The following WDR64 variants were observed in gnomAD, a reference collection of about 807,000 sequenced individuals.
The protein encoded by WDR64 is WD repeat domain 64, also known as WD repeat-containing protein 64.
Under a neutral mutation model 139.3 loss-of-function variants are expected in WDR64, and 112 were observed. The ratio of observed to expected loss-of-function variants is 0.80; its 90% CI spans 0.69 to 0.94. WDR64 has a LOEUF of 0.94. Among genes scored for constraint, WDR64 ranks in the 40% least tolerant of loss-of-function variants. WDR64 has a pLI of 0.00. For synonymous variants in WDR64, 444 were observed against 437.7 expected, an observed-to-expected ratio of 1.01 and a Z score of -0.18; for missense variants, 1,206 against 1,293.1, an observed-to-expected ratio of 0.93 and a Z score of 1.03.
At chr1:241,705,093 A>G (rs1250038475) in intron 8 of WDR64, among the ~76,000 whole-genome samples, 1 of 152,200 alleles carries the variant, frequency 6.6e-6, no homozygotes, top group Non-Finnish European at 1.5e-5. Context: ...CTACTCCAGA[A>G]GAGCCTAAAG....
At chr1:241,726,221 A>G (rs1668833410) in intron 10 of WDR64, among the ~76,000 whole-genome samples, 1 of 152,018 alleles carries the variant, frequency 6.6e-6, no homozygotes, top group South Asian at 2.1e-4. Flanking sequence ...TATTGAGGTG[A>G]TAATAATTTG....
chr1:241,797,660 C>T (rs1659405998), intron 27 of WDR64, among the ~76,000 whole-genome samples: 1 of 152,058 alleles, frequency 6.6e-6, no homozygotes, highest in South Asian at 2.1e-4. Flanking sequence ...ATCATCAACT[C>T]TGACAATTAT....
At chr1:241,749,344 T>A (rs571916822) in intron 13 of WDR64, among the ~76,000 whole-genome samples, 18 of 152,280 alleles carry the variant, frequency 1.2e-4, no homozygotes, top group Non-Finnish European at 2.4e-4. Flanking sequence ...TTATTTATTT[T>A]TTTCAGCCTG....
At position 241,652,476 on chromosome 1, in the gene WDR64, TA is replaced by T. The variant is rs760472024; in HGVS notation, c.-8del. On this transcript the variant is annotated 5_prime_UTR_variant, in exon 1 of 28. It removes an upstream start codon present in the reference 5' UTR. Transcript: ENST00000437684. ...TTCTGTACAGAAGTAAAAGATCCCCTATGTCCCTATGGATATCAGGAAGGAA... is the reference window on the plus strand; with the variant it reads ...TTCTGTACAGAAGTAAAAGATCCCCTTGTCCCTATGGATATCAGGAAGGAA... 8 of 1,551,692 alleles carry T rather than the reference TA, an allele frequency of 5.2e-6. No individual in the cohort carries two copies. The highest frequency in any genetic ancestry group is 2.4e-5 in the South Asian group (2 of 83,920).
chr1:241,789,287 G>A (rs900716296), intron 24 of WDR64, among the ~76,000 whole-genome samples: 1 of 152,152 alleles, frequency 6.6e-6, no homozygotes. Context: ...GCCTTCTTCT[G>A]TAGAATGACT....
chr1:241,797,652 C>T (rs1227385436), intron 27 of WDR64, among the ~76,000 whole-genome samples: 1 of 152,110 alleles, frequency 6.6e-6, no homozygotes, highest in East Asian at 1.9e-4. Context: ...TTCTGTTCAT[C>T]ATCAACTCTG....
intron 10 of WDR64, among the ~76,000 whole-genome samples, chr1:241,728,823 CTTT>C (rs66478639): frequency 1.3e-5 from 2 of 148,630 alleles, no homozygotes; most frequent in Admixed American, 6.7e-5. Context: ...TTCTCTTCTT[CTTT>C]TTTTTTTTCT....
Position 241,757,151 on chromosome 1 carries a change from T to C in WDR64, c.1771-132T>C, listed in dbSNP as rs112118189. Reference sequence around the variant, plus strand: ...AGGAATTATATTAATAAGCAAGGAATAGATGGGGCTGAAGATTTGGTAAAG... The same window carrying C: ...AGGAATTATATTAATAAGCAAGGAACAGATGGGGCTGAAGATTTGGTAAAG... On this transcript the variant is annotated intron_variant, in intron 14 of 27. Transcript: ENST00000437684. 3.9e-3 allele frequency: 2,902 copies of C among 739,628 alleles called. 56 individuals carry two copies. The African/African-American group carries it at 0.046, about 12-fold the overall frequency. The allele number at this position is 739,628 out of a possible 1,614,324, so 45.8% of individuals were successfully genotyped here.
In WDR64 at chr1:241,788,895, C is replaced by A. The variant is rs113991559; in HGVS notation, c.2891+861C>A. ...TCAAGATGCAGTAAAGTTTACCAAG[C>A]AAAGTTTCTCAGTTTTACTTTGGGC... On this transcript the variant is annotated intron_variant, in intron 24 of 27. Coordinates refer to ENST00000437684, the MANE Select transcript of WDR64 (RefSeq NM_001367482.1). Among the ~76,000 whole-genome samples the A allele has an allele frequency of 5.4e-3, 829 of 152,220 alleles. 5 individuals carry two copies. The highest frequency in any genetic ancestry group is 0.031 in the South Asian group (149 of 4,820).
chr1:241,764,122 A>C (rs1574079010), intron 15 of WDR64, among the ~76,000 whole-genome samples: 1 of 152,152 alleles, frequency 6.6e-6, no homozygotes, highest in East Asian at 1.9e-4. Context: ...TAATACTGGG[A>C]GTAGTTAAAA....
In WDR64 at chr1:241,775,065, T is replaced by C. The variant is rs1389981784; in HGVS notation, c.2431-40T>C. On this transcript the variant is annotated intron_variant, in intron 20 of 27. Transcript: ENST00000437684. ...AATATTAAGATTTTATAAGACTTAC[T>C]AGCAAAGAAAAAGTTTTATTTGCAT... 4.1e-6 allele frequency: 6 copies of C among 1,463,208 alleles called. No individual in the cohort carries two copies. In the South Asian group the frequency reaches 7.6e-5, roughly 18 times the overall value. 90.6% of individuals were successfully genotyped at this position (1,463,208 alleles called of 1,614,324 possible).
chr1:241,689,271 A>T (rs1272008397), intron 8 of WDR64, among the ~76,000 whole-genome samples: 1 of 150,512 alleles, frequency 6.6e-6, no homozygotes, highest in East Asian at 1.9e-4. Flanking sequence ...ATTACAAGGC[A>T]TACTAAAAGG....
rs868005867 is a variant in WDR64 at position 241,760,821 on chromosome 1, A to C, written c.1947+3362A>C. On this transcript the variant is annotated intron_variant, in intron 15 of 27. Transcript: ENST00000437684. ...CACTCTTTCGCCCAAGCTGGACTGC[A>C]GTGGCGCTATCCCGGCTCACTGCAA... Among the ~76,000 whole-genome samples, 4 of 123,060 alleles carry C rather than the reference A, an allele frequency of 3.3e-5. No homozygotes were observed. In the East Asian group the frequency reaches 9.6e-4, roughly 29 times the overall value. 80.7% of individuals were successfully genotyped at this position (123,060 alleles called of 152,430 possible).
chr1:241,719,800 TTTC>T (rs946870759), intron 9 of WDR64, among the ~76,000 whole-genome samples: 9 of 152,160 alleles, frequency 5.9e-5, no homozygotes, highest in African/African-American at 2.2e-4. Flanking sequence ...ATTTTCTTTT[TTTC>T]CTTCAAATTT....
At chr1:241,693,960 G>A (rs1231954198) in intron 8 of WDR64, among the ~76,000 whole-genome samples, 1 of 152,106 alleles carries the variant, frequency 6.6e-6, no homozygotes, top group Non-Finnish European at 1.5e-5. Context: ...GAGATTGATT[G>A]TTAGCTATAG....
chr1:241,781,437 A>G (rs1047982309), intron 22 of WDR64, among the ~76,000 whole-genome samples: 1 of 152,208 alleles, frequency 6.6e-6, no homozygotes, highest in African/African-American at 2.4e-5. Flanking sequence ...ATGCCTCATT[A>G]TTACATAGAT....
At chr1:241,725,191 A>T (rs2148204514) in intron 10 of WDR64, among the ~76,000 whole-genome samples, 1 of 152,316 alleles carries the variant, frequency 6.6e-6, no homozygotes, top group East Asian at 1.9e-4. Flanking sequence ...GGTGGAAATA[A>T]AACTGGCAAA....
At chr1:241,721,556 A>G (rs971235524) in intron 9 of WDR64, among the ~76,000 whole-genome samples, 5 of 151,828 alleles carry the variant, frequency 3.3e-5, no homozygotes, top group Non-Finnish European at 5.9e-5. Context: ...TTAAATAATT[A>G]AATTAAATCA....
chr1:241,767,861 C>G (rs1355153885), intron 16 of WDR64, among the ~76,000 whole-genome samples: 1 of 152,186 alleles, frequency 6.6e-6, no homozygotes, highest in South Asian at 2.1e-4. Context: ...GATCCTGCCC[C>G]TGGAATTCCT....
Sources: allele counts gnomAD v4.1 joint callset (sites outside exome capture counted in the v4.1 genomes callset), GRCh38; gene constraint gnomAD v4.1.1; transcripts MANE v1.5; gene names NCBI Gene and HGNC (gene_info 2026-07-23, HGNC 2026-07-21).